Variants in GRIP1 observed in about 807,000 individuals in gnomAD.
GRIP1 encodes the protein glutamate receptor interacting protein 1, also known as glutamate receptor-interacting protein 1.
In GRIP1, 45 loss-of-function variants were observed where a neutral mutation model predicts 129.9. The ratio of observed to expected loss-of-function variants is 0.35; its 90% CI spans 0.27 to 0.44. GRIP1 has a LOEUF of 0.44. GRIP1 is among the 20% of genes least tolerant of loss of function. GRIP1 has a pLI of 1.00. For missense variants in GRIP1, 1,196 were observed against 1,396.8 expected (o/e 0.86, Z 2.29); for synonymous variants, 530 against 520.8 (o/e 1.02, Z -0.24).
intron 1 of GRIP1, among the ~76,000 whole-genome samples, chr12:66,617,286 GAAAAAAA>G (rs63275262): frequency 5.8e-5 from 6 of 104,052 alleles, no homozygotes; most frequent in Non-Finnish European, 1.0e-4. Context: ...CAGCCAACAA[GAAAAAAA>G]AAAAAAAAAA....
intron 1 of GRIP1, among the ~76,000 whole-genome samples, chr12:66,689,089 G>A (rs772912486): frequency 5.3e-5 from 8 of 152,188 alleles, no homozygotes; most frequent in African/African-American, 9.7e-5. Flanking sequence ...GGCTCAGGCA[G>A]GCTGGCTGGG....
chr12:66,860,034 G>T (rs1032806408), intron 1 of GRIP1, among the ~76,000 whole-genome samples: 1 of 152,074 alleles, frequency 6.6e-6, no homozygotes, highest in Non-Finnish European at 1.5e-5. Flanking sequence ...ATCACCTTCA[G>T]TCAGGAAGTC....
intron 1 of GRIP1, among the ~76,000 whole-genome samples, chr12:66,789,683 AC>A (rs1226991466): frequency 3.3e-5 from 5 of 152,132 alleles, no homozygotes; most frequent in Non-Finnish European, 5.9e-5. Flanking sequence ...TGTATTCTAA[AC>A]ATAGCTGTTT....
intron 1 of GRIP1, among the ~76,000 whole-genome samples, chr12:66,990,228 A>T (rs2042374262): frequency 6.6e-6 from 1 of 152,208 alleles, no homozygotes; most frequent in African/African-American, 2.4e-5. Flanking sequence ...CTGATGTTCT[A>T]GAACTTACAT....
intron 11 of GRIP1, among the ~76,000 whole-genome samples, chr12:66,446,079 C>T (rs563390938): frequency 2.0e-5 from 3 of 152,212 alleles, no homozygotes; most frequent in Admixed American, 2.0e-4. Flanking sequence ...TGTTTAAACT[C>T]TGTACATTCC....
Position 66,465,337 on chromosome 12 carries a change from C to A in GRIP1, c.810G>T (p.Ser270=). 6.2e-7 allele frequency: 1 copy of A among 1,613,740 alleles called. No individual in the cohort carries two copies. The highest frequency in any genetic ancestry group is 8.5e-7 in the Non-Finnish European group (1 of 1,179,646). ...CAATGACTTGTTTGTTACAGCACAT[C>A]GAGGTAGTTAGGGCAACCCCAAGGC... is the stretch of plus-strand genomic sequence containing the variant. The part of the protein sequence containing the change: ...GASLGVALTT[S]MCCNKQVIVI... Residue 270 remains serine, a synonymous_variant, in exon 8 of 25, where the codon TCG becomes TCT. Coordinates refer to ENST00000359742, the MANE Select transcript of GRIP1 (RefSeq NM_001366722.1).
intron 1 of GRIP1, among the ~76,000 whole-genome samples, chr12:67,030,815 G>A (rs750200089): frequency 2.0e-5 from 3 of 152,116 alleles, no homozygotes; most frequent in Non-Finnish European, 2.9e-5. Flanking sequence ...TACTTAGGGT[G>A]GCAGCTCTTA....
intron 1 of GRIP1, among the ~76,000 whole-genome samples, chr12:66,927,490 T>C (rs1413879531): frequency 1.3e-5 from 2 of 152,198 alleles, no homozygotes; most frequent in Non-Finnish European, 2.9e-5. Context: ...GACCAGCCCA[T>C]GGGTTTCAGT....
intron 20 of GRIP1, among the ~76,000 whole-genome samples, chr12:66,378,167 T>A (rs2055904579): frequency 6.6e-6 from 1 of 151,130 alleles, no homozygotes; most frequent in East Asian, 1.9e-4. Flanking sequence ...AGGGGCCCAG[T>A]GCAGTGGCTC....
At chr12:66,841,977 A>C (rs1394556259) in intron 1 of GRIP1, among the ~76,000 whole-genome samples, 1 of 152,192 alleles carries the variant, frequency 6.6e-6, no homozygotes, top group Non-Finnish European at 1.5e-5. Flanking sequence ...GGCTATTTTC[A>C]CTTGCCAAAG....
chr12:66,783,897 T>G (rs2038235677), intron 1 of GRIP1, among the ~76,000 whole-genome samples: 1 of 152,200 alleles, frequency 6.6e-6, no homozygotes. Context: ...TAACCTGTAG[T>G]AGAACTGAGA....
At chr12:66,766,106 C>G (rs944492496) in intron 1 of GRIP1, among the ~76,000 whole-genome samples, 3 of 152,150 alleles carry the variant, frequency 2.0e-5, no homozygotes, top group Non-Finnish European at 4.4e-5. Flanking sequence ...ACACATAAAG[C>G]TCATCCACAC....
At chr12:66,512,193 G>C (rs2138889791) in intron 7 of GRIP1, among the ~76,000 whole-genome samples, 1 of 152,210 alleles carries the variant, frequency 6.6e-6, no homozygotes, top group East Asian at 1.9e-4. Flanking sequence ...AGAGCAGTGT[G>C]AAAACGGACT....
At chr12:66,578,095 T>G (rs1425371504) in intron 2 of GRIP1, among the ~76,000 whole-genome samples, 1 of 152,082 alleles carries the variant, frequency 6.6e-6, no homozygotes, top group African/African-American at 2.4e-5. Flanking sequence ...TGCTGAAAAC[T>G]TCAATAAAAA....
intron 1 of GRIP1, among the ~76,000 whole-genome samples, chr12:67,025,360 TAC>T (rs1212834424): frequency 6.6e-6 from 1 of 150,992 alleles, no homozygotes; most frequent in Admixed American, 6.6e-5. Context: ...CACACACACA[TAC>T]ACACACACAA....
intron 14 of GRIP1, among the ~76,000 whole-genome samples, chr12:66,428,190 C>T (rs1260257913): frequency 6.6e-6 from 1 of 152,192 alleles, no homozygotes; most frequent in African/African-American, 2.4e-5. Context: ...CATCATCACA[C>T]ACACACATAC....
chr12:67,037,990 T>TA (rs2043123771), intron 1 of GRIP1, among the ~76,000 whole-genome samples: 2 of 152,150 alleles, frequency 1.3e-5, no homozygotes, highest in Non-Finnish European at 2.9e-5. Flanking sequence ...CTGAAATTGG[T>TA]AAAAACTACT....
intron 19 of GRIP1, among the ~76,000 whole-genome samples, chr12:66,388,883 T>C (rs569763957): frequency 8.5e-5 from 13 of 152,212 alleles, no homozygotes; most frequent in Non-Finnish European, 1.6e-4. Context: ...CAAGAGTGTA[T>C]CCACATGGTC....
At chr12:66,501,771 C>T (rs925126037) in intron 7 of GRIP1, among the ~76,000 whole-genome samples, 1 of 152,044 alleles carries the variant, frequency 6.6e-6, no homozygotes, top group African/African-American at 2.4e-5. Flanking sequence ...TTTAGAAGTC[C>T]CATATATAAT....
Sources: gnomAD v4.1 joint callset for allele counts (sites outside exome capture counted in the v4.1 genomes callset) on GRCh38, gnomAD v4.1.1 for gene constraint, MANE v1.5 for transcripts, NCBI Gene and HGNC (gene_info 2026-07-23, HGNC 2026-07-21) for gene names.